The following LRRC3B variants were observed in gnomAD, a reference collection of about 807,000 sequenced individuals.
LRRC3B encodes the protein leucine rich repeat containing 3B, also known as leucine-rich repeat-containing protein 3B.
LRRC3B carries 2 observed loss-of-function variants against 12.8 expected under a neutral mutation model. That is an observed-to-expected ratio of 0.16 (90% CI 0.06 to 0.49). The LOEUF (loss-of-function observed/expected upper bound fraction) is 0.49, where lower values mean the gene tolerates loss of function less well. Among genes scored for constraint, LRRC3B ranks in the 20% least tolerant of loss-of-function variants. The pLI is 0.96. For missense variants in LRRC3B, 189 were observed against 319.4 expected, an observed-to-expected ratio of 0.59 and a Z score of 3.11; for synonymous variants, 132 against 122.0, an observed-to-expected ratio of 1.08 and a Z score of -0.54.
chr3:26,673,078 A>G (rs1699785199), intron 1 of LRRC3B, among the ~76,000 whole-genome samples: 1 of 152,192 alleles, frequency 6.6e-6, no homozygotes, highest in African/African-American at 2.4e-5. Flanking sequence ...GCCACATGAA[A>G]TAAATCTTAG....
chr3:26,700,213 G>A (rs943088861), intron 1 of LRRC3B, among the ~76,000 whole-genome samples: 2 of 152,082 alleles, frequency 1.3e-5, no homozygotes, highest in African/African-American at 4.8e-5. Context: ...ATATCAGAGT[G>A]GCCTTTAAGA....
chr3:26,658,634 T>A (rs1339687367), intron 1 of LRRC3B, among the ~76,000 whole-genome samples: 2 of 152,252 alleles, frequency 1.3e-5, no homozygotes, highest in Non-Finnish European at 2.9e-5. Flanking sequence ...TCAGATGATG[T>A]GCTCTCTTTG....
chr3:26,667,538 C>A (rs59257278), intron 1 of LRRC3B, among the ~76,000 whole-genome samples: 2 of 152,302 alleles, frequency 1.3e-5, no homozygotes, highest in African/African-American at 4.8e-5. Context: ...GTTCTACCAT[C>A]CCTAAAGTAT....
chr3:26,644,557 A>G (rs1447328962), intron 1 of LRRC3B, among the ~76,000 whole-genome samples: 1 of 152,212 alleles, frequency 6.6e-6, no homozygotes, highest in Non-Finnish European at 1.5e-5. Context: ...CATAAAGGAC[A>G]GGGTAAAAAA....
intron 1 of LRRC3B, among the ~76,000 whole-genome samples, chr3:26,690,782 A>C (rs1053933767): frequency 6.6e-6 from 1 of 152,070 alleles, no homozygotes; most frequent in African/African-American, 2.4e-5. Context: ...ACAGAGAGGC[A>C]AGAACATTTC....
At chr3:26,704,469 G>T (rs541879869) in intron 1 of LRRC3B, among the ~76,000 whole-genome samples, 4 of 152,150 alleles carry the variant, frequency 2.6e-5, no homozygotes, top group South Asian at 4.2e-4. Context: ...GTGAGATCAA[G>T]AATCTTTTTA....
intron 1 of LRRC3B, among the ~76,000 whole-genome samples, chr3:26,677,129 T>C (rs546281814): frequency 2.6e-5 from 4 of 152,164 alleles, no homozygotes; most frequent in Non-Finnish European, 5.9e-5. Flanking sequence ...ACAAAAACCA[T>C]ACCATCCTTC....
chr3:26,659,485 T>A (rs1041702653), intron 1 of LRRC3B, among the ~76,000 whole-genome samples: 2 of 152,216 alleles, frequency 1.3e-5, no homozygotes, highest in African/African-American at 4.8e-5. Context: ...ATATGAAAGT[T>A]TATAAGTGAT....
chr3:26,630,731 T>G lies in LRRC3B; in HGVS notation c.-161+7494T>G, dbSNP rs75815763. On this transcript the variant is annotated intron_variant, in intron 1 of 1. Coordinates refer to ENST00000396641, the Ensembl canonical transcript of LRRC3B. ...CGACTTTTTTTTCCATGCAAGTTCA[T>G]GGATGCCTTGAATTCTATTGGTGGA... 5.8e-3 allele frequency among the ~76,000 whole-genome samples: 888 copies of G among 152,316 alleles called. 6 individuals carry two copies. Among genetic ancestry groups the G allele is most frequent in the African/African-American group, 0.02 (849 of 41,566 alleles).
chr3:26,671,373 TAGAGAGAGAGAGAGAGAG>T lies in LRRC3B; in HGVS notation c.-160-38116_-160-38099del, dbSNP rs1195473054. Among the ~76,000 whole-genome samples, 23 of 28,248 alleles carry T rather than the reference TAGAGAGAGAGAGAGAGAG, an allele frequency of 8.1e-4. 1 individual carries two copies. The highest frequency in any genetic ancestry group is 3.4e-3 in the African/African-American group (23 of 6,850). 18.5% of individuals were successfully genotyped at this position (28,248 alleles called of 152,430 possible). The stretch of plus-strand genomic sequence containing the variant: ...GTGTATATATATATATATATATATA[TAGAGAGAGAGAGAGAGAG>T]AGAGAGAGAGAGAGAGAGAGAGACG... On this transcript the variant is annotated intron_variant, in intron 1 of 1. Transcript: ENST00000396641.
chr3:26,691,662 G>C (rs1700196926), intron 1 of LRRC3B, among the ~76,000 whole-genome samples: 1 of 152,218 alleles, frequency 6.6e-6, no homozygotes, highest in Non-Finnish European at 1.5e-5. Flanking sequence ...TGATGCCTCA[G>C]TTCTGGACAA....
At chr3:26,689,956 C>A (rs1176178245) in intron 1 of LRRC3B, among the ~76,000 whole-genome samples, 1 of 152,138 alleles carries the variant, frequency 6.6e-6, no homozygotes, top group Admixed American at 6.5e-5. Flanking sequence ...GTGGATTGTG[C>A]CTCTGCTTAG....
At chr3:26,695,422 G>A (rs1700289559) in intron 1 of LRRC3B, among the ~76,000 whole-genome samples, 1 of 152,074 alleles carries the variant, frequency 6.6e-6, no homozygotes, top group Admixed American at 6.5e-5. Flanking sequence ...AGCTACTTGG[G>A]AGGCCGAGGC....
chr3:26,664,951 G>A (rs1037694642), intron 1 of LRRC3B, among the ~76,000 whole-genome samples: 1 of 151,344 alleles, frequency 6.6e-6, no homozygotes, highest in Middle Eastern at 3.4e-3. Context: ...TAGTAGGTCT[G>A]GGATAGGGTA....
At position 26,709,499 on chromosome 3, in the gene LRRC3B, T is replaced by G. The variant is rs1439235320; in HGVS notation, c.-160-14T>G. The stretch of plus-strand genomic sequence containing the variant: ...TGCAAAGGAACTAATTGCATCTGTT[T>G]CTCTTTCCTTTAGGTGCCCAAGCAA... On this transcript the variant is annotated splice_polypyrimidine_tract_variant and intron_variant, in intron 1 of 1. Coordinates refer to ENST00000396641, the Ensembl canonical transcript of LRRC3B. 1 of 645,980 alleles carries G rather than the reference T, an allele frequency of 1.5e-6. No homozygotes were observed. Among genetic ancestry groups the G allele is most frequent in the Admixed American group, 2.9e-5 (1 of 34,812 alleles). The allele number at this position is 645,980 out of a possible 1,614,324, so 40.0% of individuals were successfully genotyped here.
intron 1 of LRRC3B, among the ~76,000 whole-genome samples, chr3:26,662,928 G>C (rs752761822): frequency 2.0e-5 from 3 of 152,142 alleles, no homozygotes; most frequent in Non-Finnish European, 2.9e-5. Context: ...GATGAGGAAG[G>C]AGGGATATGA....
At chr3:26,673,462 T>C (rs903225549) in intron 1 of LRRC3B, among the ~76,000 whole-genome samples, 2 of 152,238 alleles carry the variant, frequency 1.3e-5, no homozygotes, top group Admixed American at 6.5e-5. Flanking sequence ...TTAAGTTTTG[T>C]TCAACTGCTT....
intron 1 of LRRC3B, among the ~76,000 whole-genome samples, chr3:26,698,652 C>T (rs1363477402): frequency 6.6e-6 from 1 of 152,108 alleles, no homozygotes; most frequent in Non-Finnish European, 1.5e-5. Context: ...ACAATGAACA[C>T]ATATATCCAT....
intron 1 of LRRC3B, chr3:26,623,663 G>C (rs779441491): frequency 6.6e-6 from 1 of 152,300 alleles, no homozygotes; most frequent in South Asian, 2.1e-4. Context: ...AGCAGTGCTC[G>C]TCCTGCCTCT....
Sources: allele counts gnomAD v4.1 joint callset (sites outside exome capture counted in the v4.1 genomes callset), GRCh38; gene constraint gnomAD v4.1.1; transcripts MANE v1.5; gene names NCBI Gene and HGNC (gene_info 2026-07-23, HGNC 2026-07-21).